IKZF2: variants seen among roughly 807,000 people sequenced by gnomAD.
The protein encoded by IKZF2 is zinc finger protein Helios.
In IKZF2, 15 loss-of-function variants were observed where a neutral mutation model predicts 49.2. The observed-to-expected ratio is 0.30, with a 90% CI of 0.20 to 0.47. IKZF2 has a LOEUF of 0.47. IKZF2 is among the 20% of genes least tolerant of loss of function. The pLI is 1.00. For missense variants in IKZF2, 567 were observed against 664.6 expected, an observed-to-expected ratio of 0.85 and a Z score of 1.61; for synonymous variants, 227 against 221.4, an observed-to-expected ratio of 1.03 and a Z score of -0.23.
At chr2:213,117,730 A>T (rs551976210) in intron 4 of IKZF2, among the ~76,000 whole-genome samples, 1 of 152,340 alleles carries the variant, frequency 6.6e-6, no homozygotes, top group Admixed American at 6.5e-5. Flanking sequence ...AACAGGGGAA[A>T]GTGTATTTCC....
At chr2:213,109,405 A>G (rs1012347805) in intron 4 of IKZF2, among the ~76,000 whole-genome samples, 5 of 152,092 alleles carry the variant, frequency 3.3e-5, no homozygotes, top group African/African-American at 1.2e-4. Context: ...GGAATAATAG[A>G]TGCTTGCATT....
At chr2:213,082,728 T>G (rs745653143) in intron 4 of IKZF2, among the ~76,000 whole-genome samples, 1 of 152,156 alleles carries the variant, frequency 6.6e-6, no homozygotes. Flanking sequence ...GTTTGGTGAG[T>G]GTGTGAGTAA....
At chr2:213,077,755 T>C (rs1369414681) in intron 4 of IKZF2, among the ~76,000 whole-genome samples, 1 of 151,854 alleles carries the variant, frequency 6.6e-6, no homozygotes, top group Non-Finnish European at 1.5e-5. Flanking sequence ...GTCCGGCTAA[T>C]TTTTGTGTAT....
chr2:213,037,012 C>T (rs2128391), intron 6 of IKZF2, among the ~76,000 whole-genome samples: 87,200 of 151,956 alleles, frequency 0.57, 25,897 homozygotes, highest in East Asian at 0.76. Flanking sequence ...ATAAAGTTTG[C>T]GTGCAGCCTC....
At chr2:213,093,959 G>C (rs1705654855) in intron 4 of IKZF2, among the ~76,000 whole-genome samples, 2 of 152,142 alleles carry the variant, frequency 1.3e-5, no homozygotes, top group Non-Finnish European at 2.9e-5. Flanking sequence ...GTTTCAAGGA[G>C]GAATTACTTG....
intron 4 of IKZF2, among the ~76,000 whole-genome samples, chr2:213,122,451 G>T (rs1429560123): frequency 2.3e-4 from 35 of 152,114 alleles, no homozygotes; most frequent in Non-Finnish European, 2.9e-5. Context: ...TGAGGTCTGG[G>T]ACTGTTTATT....
chr2:213,031,466 G>T (rs1698428081), intron 6 of IKZF2, among the ~76,000 whole-genome samples: 2 of 152,086 alleles, frequency 1.3e-5, no homozygotes, highest in Admixed American at 1.3e-4. Flanking sequence ...AAAGAAAACT[G>T]CTTTTTATTG....
At chr2:213,077,773 A>C (rs1703442369) in intron 4 of IKZF2, among the ~76,000 whole-genome samples, 1 of 151,796 alleles carries the variant, frequency 6.6e-6, no homozygotes, top group Admixed American at 6.6e-5. Context: ...TATTTTTAGT[A>C]GAGACGGGGT....
At chr2:213,063,785 C>T (rs1305278989) in intron 4 of IKZF2, among the ~76,000 whole-genome samples, 3 of 151,942 alleles carry the variant, frequency 2.0e-5, no homozygotes, top group Admixed American at 2.0e-4. Context: ...CCTTCTATGA[C>T]ATGATACTGG....
chr2:213,139,915 C>T (rs978863905), intron 4 of IKZF2, among the ~76,000 whole-genome samples: 4 of 152,002 alleles, frequency 2.6e-5, no homozygotes, highest in African/African-American at 9.7e-5. Context: ...GCACATCACA[C>T]TCATTTACTT....
At chr2:213,081,790 C>T (rs576775001) in intron 4 of IKZF2, among the ~76,000 whole-genome samples, 1 of 152,150 alleles carries the variant, frequency 6.6e-6, no homozygotes, top group African/African-American at 2.4e-5. Context: ...CCTGAGGAAC[C>T]GAGGTACCAA....
intron 3 of IKZF2, among the ~76,000 whole-genome samples, 179 bp from the exon 4 acceptor site, chr2:213,147,991 G>C (rs1385464937): frequency 2.0e-5 from 3 of 150,458 alleles, no homozygotes; most frequent in Non-Finnish European, 4.5e-5. Context: ...GAAATGATGA[G>C]AAGCCATAAT....
chr2:213,128,804 CTTTTTTTT>C (rs1184422126), intron 4 of IKZF2, among the ~76,000 whole-genome samples: 1 of 113,182 alleles, frequency 8.8e-6, no homozygotes, highest in African/African-American at 3.3e-5. Context: ...ATTTTTTTTT[CTTTTTTTT>C]TTTTTTTTTT....
chr2:213,127,238 T>C (rs2060297526), intron 4 of IKZF2, among the ~76,000 whole-genome samples: 1 of 152,200 alleles, frequency 6.6e-6, no homozygotes, highest in Admixed American at 6.5e-5. Flanking sequence ...CAAAGACCTT[T>C]CATTAGTGGC....
chr2:213,045,624 G>T (rs927643258), intron 6 of IKZF2, among the ~76,000 whole-genome samples: 5 of 152,192 alleles, frequency 3.3e-5, no homozygotes, highest in African/African-American at 1.2e-4. Flanking sequence ...CTCAGTAAGA[G>T]ATATATGCTA....
chr2:213,084,902 T>C (rs1049313098), intron 4 of IKZF2, among the ~76,000 whole-genome samples: 1 of 152,230 alleles, frequency 6.6e-6, no homozygotes, highest in African/African-American at 2.4e-5. Flanking sequence ...CCAGTTTCAA[T>C]GTGATTTCCT....
chr2:213,075,374 T>C (rs1211717278), intron 4 of IKZF2, among the ~76,000 whole-genome samples: 1 of 152,108 alleles, frequency 6.6e-6, no homozygotes, highest in Non-Finnish European at 1.5e-5. Context: ...AACTGTGGTT[T>C]TTGCCATAAT....
At chr2:213,016,573 A>G (rs1040848097) in intron 7 of IKZF2, among the ~76,000 whole-genome samples, 4 of 152,268 alleles carry the variant, frequency 2.6e-5, no homozygotes, top group Admixed American at 6.6e-5. Flanking sequence ...AATTCTCTAG[A>G]TATCTCAATA....
At chr2:213,040,014 T>C (rs559374016) in intron 6 of IKZF2, among the ~76,000 whole-genome samples, 2 of 152,222 alleles carry the variant, frequency 1.3e-5, no homozygotes, top group African/African-American at 4.8e-5. Context: ...TAAATGTCTT[T>C]GGGAAATTAA....
Sources: gnomAD v4.1 joint callset for allele counts (sites outside exome capture counted in the v4.1 genomes callset) on GRCh38, gnomAD v4.1.1 for gene constraint, MANE v1.5 for transcripts, NCBI Gene and HGNC (gene_info 2026-07-23, HGNC 2026-07-21) for gene names.